The following DLG2 variants were observed in gnomAD, a reference collection of about 807,000 sequenced individuals.
DLG2 encodes the protein disks large homolog 2.
DLG2 carries 45 observed loss-of-function variants against 132.5 expected under a neutral mutation model. That is an observed-to-expected ratio of 0.34 (90% CI 0.27 to 0.44). The LOEUF is 0.44. Among genes scored for constraint, DLG2 ranks in the 20% least tolerant of loss-of-function variants. The pLI is 1.00. For missense variants in DLG2, 1,045 were observed against 1,196.9 expected (o/e 0.87, Z 1.87); for synonymous variants, 424 against 419.6 (o/e 1.01, Z -0.13).
chr11:84,520,374 C>A (rs2099292697), intron 7 of DLG2, among the ~76,000 whole-genome samples: 2 of 152,030 alleles, frequency 1.3e-5, no homozygotes, highest in African/African-American at 4.8e-5. Flanking sequence ...GCCTATTTAC[C>A]CCTCTCTGGA....
intron 21 of DLG2, among the ~76,000 whole-genome samples, chr11:83,520,622 G>C (rs1391194692): frequency 3.3e-5 from 5 of 149,390 alleles, no homozygotes; most frequent in African/African-American, 1.3e-4. Flanking sequence ...CAGACAGGTA[G>C]GTAGATAGGT....
chr11:84,346,626 G>T (rs146196104), intron 7 of DLG2, among the ~76,000 whole-genome samples: 4 of 152,294 alleles, frequency 2.6e-5, no homozygotes, highest in African/African-American at 9.6e-5. Context: ...TCGGCAGGCT[G>T]CAGTGCAGTG....
At chr11:83,508,826 G>A (rs368663779) in intron 21 of DLG2, among the ~76,000 whole-genome samples, 12 of 152,238 alleles carry the variant, frequency 7.9e-5, no homozygotes, top group Middle Eastern at 3.4e-3. Flanking sequence ...CAGCTGTCTC[G>A]GACTCCAAAG....
At chr11:83,702,091 C>T (rs1343857251) in intron 18 of DLG2, among the ~76,000 whole-genome samples, 2 of 152,140 alleles carry the variant, frequency 1.3e-5, no homozygotes. Flanking sequence ...CAGGGACTTA[C>T]CCCCTTTGCA....
At chr11:84,485,728 T>C (rs1331729510) in intron 7 of DLG2, among the ~76,000 whole-genome samples, 1 of 152,154 alleles carries the variant, frequency 6.6e-6, no homozygotes, top group East Asian at 1.9e-4. Flanking sequence ...CCTACTGTAG[T>C]GTAGGCATAT....
At chr11:85,613,884 C>T (rs1157895756) in intron 2 of DLG2, among the ~76,000 whole-genome samples, 1 of 152,242 alleles carries the variant, frequency 6.6e-6, no homozygotes, top group Non-Finnish European at 1.5e-5. Context: ...GTAACACACA[C>T]TGTGAAGGTC....
intron 18 of DLG2, among the ~76,000 whole-genome samples, chr11:83,676,948 A>G (rs1268586490): frequency 1.3e-5 from 2 of 152,182 alleles, no homozygotes; most frequent in African/African-American, 4.8e-5. Context: ...CTAATAATAG[A>G]CAAATGAACT....
At chr11:84,850,943 C>G (rs552923168) in intron 6 of DLG2, among the ~76,000 whole-genome samples, 16 of 152,220 alleles carry the variant, frequency 1.1e-4, no homozygotes, top group African/African-American at 3.6e-4. Context: ...AGGCTTAATA[C>G]TGTTAAGATA....
chr11:85,485,923 A>G (rs2093418911), intron 3 of DLG2, among the ~76,000 whole-genome samples: 1 of 152,150 alleles, frequency 6.6e-6, no homozygotes, highest in South Asian at 2.1e-4. Flanking sequence ...TGCCACCACT[A>G]GGCTGGGACG....
intron 18 of DLG2, among the ~76,000 whole-genome samples, chr11:83,711,672 G>T (rs1416725103): frequency 1.3e-5 from 2 of 152,136 alleles, no homozygotes; most frequent in Non-Finnish European, 2.9e-5. Context: ...TAAGATGAGG[G>T]TCACTGTGCA....
At chr11:85,111,271 G>A (rs2072695132) in intron 6 of DLG2, among the ~76,000 whole-genome samples, 1 of 152,104 alleles carries the variant, frequency 6.6e-6, no homozygotes, top group South Asian at 2.1e-4. Flanking sequence ...AAGTTGGTGT[G>A]CTCATGACTA....
intron 6 of DLG2, among the ~76,000 whole-genome samples, chr11:84,988,450 T>C (rs550147564): frequency 6.6e-5 from 10 of 152,296 alleles, no homozygotes; most frequent in African/African-American, 2.4e-4. Flanking sequence ...ATTGCAAAAA[T>C]GTGGAACCAA....
chr11:84,943,838 T>G (rs2154098739), intron 6 of DLG2, among the ~76,000 whole-genome samples: 1 of 152,324 alleles, frequency 6.6e-6, no homozygotes, highest in South Asian at 2.1e-4. Flanking sequence ...ACCAGTGAGT[T>G]TTGTACCTTC....
intron 18 of DLG2, among the ~76,000 whole-genome samples, chr11:83,678,238 T>G (rs2078109299): frequency 6.6e-6 from 1 of 152,122 alleles, no homozygotes; most frequent in Non-Finnish European, 1.5e-5. Context: ...TTTGGGTTAA[T>G]GGAGGAAAAA....
intron 6 of DLG2, among the ~76,000 whole-genome samples, chr11:85,011,715 T>C (rs1031810173): frequency 6.6e-6 from 1 of 152,194 alleles, no homozygotes; most frequent in African/African-American, 2.4e-5. Context: ...TTTCACTTAA[T>C]GCAGTTCAAG....
chr11:83,653,453 T>C (rs1440430586), intron 18 of DLG2, among the ~76,000 whole-genome samples: 1 of 152,218 alleles, frequency 6.6e-6, no homozygotes. Context: ...TTTGTATGCA[T>C]TTTTTCTTGG....
At chr11:85,515,633 G>T (rs981420503) in intron 3 of DLG2, among the ~76,000 whole-genome samples, 4 of 151,902 alleles carry the variant, frequency 2.6e-5, no homozygotes, top group African/African-American at 7.2e-5. Context: ...TCTTTCTTGT[G>T]TTCACTCTCA....
intron 12 of DLG2, among the ~76,000 whole-genome samples, chr11:83,979,004 T>A (rs1335723809): frequency 6.6e-6 from 1 of 152,130 alleles, no homozygotes; most frequent in East Asian, 1.9e-4. Context: ...CAATTCTTTT[T>A]TGCTTATATA....
intron 14 of DLG2, among the ~76,000 whole-genome samples, chr11:83,940,752 C>G (rs1033996437): frequency 2.0e-5 from 3 of 152,182 alleles, no homozygotes; most frequent in African/African-American, 7.2e-5. Context: ...TCAAGTCCGG[C>G]CCTATTCCTT....
Sources: allele counts gnomAD v4.1 joint callset (sites outside exome capture counted in the v4.1 genomes callset), GRCh38; gene constraint gnomAD v4.1.1; transcripts MANE v1.5; gene names NCBI Gene and HGNC (gene_info 2026-07-23, HGNC 2026-07-21).